CNTNAP2: variants seen among roughly 807,000 people sequenced by gnomAD.
CNTNAP2 encodes contactin associated protein 2, also known as contactin-associated protein-like 2.
CNTNAP2 carries 98 observed loss-of-function variants against 155.2 expected under a neutral mutation model. The observed-to-expected ratio is 0.63, with a 90% CI of 0.54 to 0.75. CNTNAP2 has a LOEUF of 0.75. Among genes scored for constraint, CNTNAP2 ranks in the 30% least tolerant of loss-of-function variants. CNTNAP2 has a pLI of 0.00. For missense variants in CNTNAP2, 1,727 were observed against 1,688.1 expected, an observed-to-expected ratio of 1.02 and a Z score of -0.40; for synonymous variants, 651 against 631.2, an observed-to-expected ratio of 1.03 and a Z score of -0.47.
intron 10 of CNTNAP2, among the ~76,000 whole-genome samples, chr7:147,411,201 C>A (rs1797096257): frequency 6.6e-6 from 1 of 152,070 alleles, no homozygotes. Flanking sequence ...TTGGTTTTCT[C>A]CCAGAATATT....
chr7:147,226,052 A>G (rs1296520507), intron 8 of CNTNAP2, among the ~76,000 whole-genome samples: 1 of 152,224 alleles, frequency 6.6e-6, no homozygotes, highest in Non-Finnish European at 1.5e-5. Context: ...TTTGTACAAC[A>G]GAATGGGCAC....
At chr7:146,852,043 CT>C (rs1283061014) in intron 3 of CNTNAP2, among the ~76,000 whole-genome samples, 7 of 152,002 alleles carry the variant, frequency 4.6e-5, no homozygotes, top group Admixed American at 4.6e-4. Context: ...TTAGAATCCA[CT>C]TTACTCTGGT....
intron 13 of CNTNAP2, among the ~76,000 whole-genome samples, chr7:147,739,460 A>C (rs1230312433): frequency 6.6e-6 from 1 of 152,186 alleles, no homozygotes; most frequent in Admixed American, 6.5e-5. Flanking sequence ...TTGAATAAAA[A>C]CAGTGAGTTT....
At chr7:147,617,139 T>C (rs753451126) in intron 12 of CNTNAP2, among the ~76,000 whole-genome samples, 1 of 152,198 alleles carries the variant, frequency 6.6e-6, no homozygotes, top group Non-Finnish European at 1.5e-5. Flanking sequence ...TCTTATCACC[T>C]TCTCCTTCTT....
At chr7:147,187,184 CAGT>C (rs1212552142) in intron 8 of CNTNAP2, among the ~76,000 whole-genome samples, 1 of 152,028 alleles carries the variant, frequency 6.6e-6, no homozygotes, top group Non-Finnish European at 1.5e-5. Flanking sequence ...AGGTCTGAAA[CAGT>C]GGTGGTGGAG....
At chr7:147,342,671 C>A (rs773445971) in intron 9 of CNTNAP2, among the ~76,000 whole-genome samples, 19 of 152,222 alleles carry the variant, frequency 1.2e-4, no homozygotes, top group Admixed American at 6.5e-5. Flanking sequence ...TAGGATTTAA[C>A]CCAGGTGGCA....
chr7:146,705,136 A>G (rs1007057832), intron 1 of CNTNAP2, among the ~76,000 whole-genome samples: 5 of 152,068 alleles, frequency 3.3e-5, no homozygotes, highest in African/African-American at 1.2e-4. Context: ...CCGTGATGAG[A>G]GCTTTTGGCT....
At chr7:147,970,912 G>T (rs1365105406) in intron 14 of CNTNAP2, among the ~76,000 whole-genome samples, 1 of 152,140 alleles carries the variant, frequency 6.6e-6, no homozygotes, top group Non-Finnish European at 1.5e-5. Flanking sequence ...GGAAATTGGT[G>T]GGACATTCTG....
intron 20 of CNTNAP2, among the ~76,000 whole-genome samples, chr7:148,258,982 C>T (rs1796506445): frequency 6.6e-6 from 1 of 151,662 alleles, no homozygotes; most frequent in African/African-American, 2.4e-5. Context: ...TCAAGACCAG[C>T]CTGGCCAACA....
At chr7:146,869,131 A>C (rs986850095) in intron 3 of CNTNAP2, among the ~76,000 whole-genome samples, 8 of 152,202 alleles carry the variant, frequency 5.3e-5, no homozygotes, top group African/African-American at 1.9e-4. Context: ...TTGCCCATTC[A>C]GTATAATGTT....
At chr7:146,349,209 A>G (rs1254039436) in intron 1 of CNTNAP2, among the ~76,000 whole-genome samples, 3 of 152,202 alleles carry the variant, frequency 2.0e-5, no homozygotes, top group African/African-American at 7.2e-5. Context: ...CCAGAAATAA[A>G]TCACAAGTTC....
intron 21 of CNTNAP2, among the ~76,000 whole-genome samples, chr7:148,287,567 ATCC>A (rs1797104733): frequency 6.6e-6 from 1 of 152,152 alleles, no homozygotes; most frequent in Non-Finnish European, 1.5e-5. Context: ...ATATGCATAT[ATCC>A]TCTGATTTTC....
chr7:146,660,786 A>G (rs2129165897), intron 1 of CNTNAP2, among the ~76,000 whole-genome samples: 1 of 152,308 alleles, frequency 6.6e-6, no homozygotes, highest in East Asian at 1.9e-4. Context: ...TCTTTTACTG[A>G]AAGTCTTTCA....
intron 11 of CNTNAP2, among the ~76,000 whole-genome samples, chr7:147,509,195 C>T (rs1490751432): frequency 6.6e-6 from 1 of 152,156 alleles, no homozygotes; most frequent in Non-Finnish European, 1.5e-5. Flanking sequence ...TTGCAGGAAA[C>T]ATTGTATCAT....
At chr7:146,136,684 C>CG (rs901891952) in intron 1 of CNTNAP2, among the ~76,000 whole-genome samples, 3 of 150,692 alleles carry the variant, frequency 2.0e-5, no homozygotes, top group African/African-American at 7.3e-5. Context: ...TAGGTGGGGC[C>CG]CCTAAGAACC....
At chr7:146,387,730 T>A (rs1795480743) in intron 1 of CNTNAP2, among the ~76,000 whole-genome samples, 1 of 152,242 alleles carries the variant, frequency 6.6e-6, no homozygotes, top group Admixed American at 6.5e-5. Flanking sequence ...GCTGTTTTAT[T>A]CCTCATTTTG....
chr7:146,447,781 G>A (rs1010490985), intron 1 of CNTNAP2, among the ~76,000 whole-genome samples: 2 of 151,834 alleles, frequency 1.3e-5, no homozygotes, highest in Admixed American at 1.3e-4. Context: ...TCCTAAAATG[G>A]TTCGTGTATG....
intron 12 of CNTNAP2, among the ~76,000 whole-genome samples, chr7:147,584,791 A>G (rs1800585018): frequency 6.6e-6 from 1 of 152,210 alleles, no homozygotes; most frequent in Non-Finnish European, 1.5e-5. Context: ...TGAAGAGGCT[A>G]CAGCAGGCAG....
intron 1 of CNTNAP2, among the ~76,000 whole-genome samples, chr7:146,761,846 C>A (rs1172115790): frequency 6.6e-6 from 1 of 151,692 alleles, no homozygotes; most frequent in Non-Finnish European, 1.5e-5. Context: ...AATGGTAGGT[C>A]CTCCGTGTTA....
Sources: allele counts gnomAD v4.1 joint callset (sites outside exome capture counted in the v4.1 genomes callset), GRCh38; gene constraint gnomAD v4.1.1; transcripts MANE v1.5; gene names NCBI Gene and HGNC (gene_info 2026-07-23, HGNC 2026-07-21).